The following CCDC144A variants were observed in gnomAD, a reference collection of about 807,000 sequenced individuals.
CCDC144A encodes coiled-coil domain-containing protein 144A.
CCDC144A carries 41 observed loss-of-function variants against 143.8 expected under a neutral mutation model. The ratio of observed to expected loss-of-function variants is 0.29; its 90% confidence interval spans 0.22 to 0.37. CCDC144A has a LOEUF of 0.37. Ranked by LOEUF, CCDC144A falls within the 10% of genes least tolerant of loss-of-function variation. The pLI, the probability that CCDC144A is intolerant of heterozygous loss-of-function variation, is 1.00. For synonymous variants in CCDC144A, 242 were observed against 517.9 expected (o/e 0.47, Z 7.23); for missense variants, 637 against 1,488.8 (o/e 0.43, Z 9.41).
intron 9 of CCDC144A, among the ~76,000 whole-genome samples, chr17:16,728,173 C>G (rs1320451280): frequency 6.6e-6 from 1 of 152,138 alleles, no homozygotes. Flanking sequence ...GTAGTTGGGA[C>G]TCCAGGTGCA....
rs970976270 is a variant in CCDC144A at position 16,704,340 on chromosome 17, A to G, written c.416-811A>G. Among the ~76,000 whole-genome samples, 581 of 152,148 alleles carry G rather than the reference A, an allele frequency of 3.8e-3. 6 individuals are homozygous for G. The highest frequency in any genetic ancestry group is 0.013 in the African/African-American group (553 of 41,528). ...CGTAGTGGCAGGCGGCTGTAGCCCC[A>G]GCTACTCAGGAGGCTGAGGCAGGAG... On this transcript the variant is annotated intron_variant, in intron 2 of 16. Transcript: ENST00000399273.
chr17:16,754,092 A>G (rs1236459415), intron 12 of CCDC144A, among the ~76,000 whole-genome samples: 1 of 152,118 alleles, frequency 6.6e-6, no homozygotes, highest in African/African-American at 2.4e-5. Context: ...TCCATTTTCC[A>G]TACGTTTCCA....
chr17:16,711,146 A>AAAAAAAAAAAAAAAAAC (rs1912400944), intron 5 of CCDC144A, among the ~76,000 whole-genome samples: 1 of 124,524 alleles, frequency 8.0e-6, no homozygotes, highest in African/African-American at 2.8e-5. Context: ...GAAAAAAAAA[A>AAAAAAAAAAAAAAAAAC]AAAAAAAAAA....
Position 16,743,406 on chromosome 17 carries a change from G to A in CCDC144A, c.3372+7763G>A, listed in dbSNP as rs556609342. ...GAAAATCAGGTGTCTGTAAATATGTGGATTTATTTCTGTGTTCTCTATTCT... is the reference window on the plus strand; with the variant it reads ...GAAAATCAGGTGTCTGTAAATATGTAGATTTATTTCTGTGTTCTCTATTCT... On this transcript the variant is annotated intron_variant, in intron 12 of 16. Coordinates refer to ENST00000399273, the MANE Select transcript of CCDC144A (RefSeq NM_001382000.1). Among the ~76,000 whole-genome samples, 582 of 152,118 alleles carry A rather than the reference G, an allele frequency of 3.8e-3. 6 individuals carry two copies. Among genetic ancestry groups the A allele is most frequent in the African/African-American group, 0.013 (554 of 41,484 alleles).
the CCDC144A span, among the ~76,000 whole-genome samples, chr17:16,678,433 C>T: frequency 1.3e-5 from 2 of 152,146 alleles, no homozygotes; most frequent in Admixed American, 1.3e-4. Flanking sequence ...CCTATAGAAA[C>T]TAATAGTAAC....
rs569066043 is a variant in CCDC144A, at chr17:16,764,325, T to C, written c.4098+150T>C. The C allele has an allele frequency of 4.8e-6, 7 of 1,462,704 alleles. No homozygotes were observed. The Admixed American group carries it at 1.9e-4, about 39-fold the overall frequency. 90.6% of individuals were successfully genotyped at this position (1,462,704 alleles called of 1,614,324 possible). On this transcript the variant is annotated intron_variant, in intron 15 of 16. Coordinates refer to ENST00000399273, the MANE Select transcript of CCDC144A (RefSeq NM_001382000.1). ...AGAGAGGAGACAGAAATTTTACCGT[T>C]ATTTTTAAGTCTCTGGAGCTCTCAT... is the stretch of plus-strand genomic sequence containing the variant.
chr17:16,688,484 G>GTTTTTTTTTT (rs66493875), upstream of CCDC144A, among the ~76,000 whole-genome samples: 13 of 71,620 alleles, frequency 1.8e-4, 1 homozygote, highest in African/African-American at 5.9e-4. Flanking sequence ...TTCTTTTTCT[G>GTTTTTTTTTT]TTTTTTTTTT....
chr17:16,733,622 A>G, intron 11 of CCDC144A, among the ~76,000 whole-genome samples: 1 of 150,934 alleles, frequency 6.6e-6, no homozygotes, highest in Non-Finnish European at 1.5e-5. Context: ...AGATAATCTC[A>G]TGATTTTCTA....
At chr17:16,729,059 A>G (rs1308965318) in intron 9 of CCDC144A, among the ~76,000 whole-genome samples, 2 of 152,172 alleles carry the variant, frequency 1.3e-5, no homozygotes, top group East Asian at 3.8e-4. Context: ...ATACGTTTGC[A>G]GGTGTTTTTT....
intron 12 of CCDC144A, among the ~76,000 whole-genome samples, chr17:16,757,898 G>A (rs537823888): frequency 3.3e-5 from 5 of 152,106 alleles, no homozygotes; most frequent in South Asian, 4.1e-4. Flanking sequence ...TGGGGGAATC[G>A]GTCCTGGTTT....
intron 2 of CCDC144A, among the ~76,000 whole-genome samples, chr17:16,700,657 A>G (rs1441866239): frequency 2.0e-5 from 3 of 152,230 alleles, no homozygotes; most frequent in Admixed American, 1.3e-4. Flanking sequence ...ATTTTATATA[A>G]TATAATAGCA....
intron 12 of CCDC144A, among the ~76,000 whole-genome samples, chr17:16,757,759 T>G (rs908067256): frequency 6.6e-6 from 1 of 152,218 alleles, no homozygotes; most frequent in Non-Finnish European, 1.5e-5. Flanking sequence ...GGCAGTGGTG[T>G]CAGTCAGGTG....
intron 6 of CCDC144A, among the ~76,000 whole-genome samples, chr17:16,717,396 C>T (rs903060845): frequency 7.2e-5 from 11 of 152,190 alleles, no homozygotes; most frequent in Admixed American, 2.6e-4. Flanking sequence ...AGGTGTGAGC[C>T]ACCACACCCA....
chr17:16,774,319 T>A lies in CCDC144A; in HGVS notation c.*686T>A, dbSNP rs1164960327. The A allele has an allele frequency of 6.8e-6, 1 of 147,290 alleles. No individual in the cohort carries two copies. Among genetic ancestry groups the A allele is most frequent in the African/African-American group, 2.6e-5 (1 of 37,956 alleles). 9.1% of individuals were successfully genotyped at this position (147,290 alleles called of 1,614,324 possible). A position where few individuals can be genotyped will look rare whatever the true frequency, so the allele number is the denominator to read the frequency against. ...TTCCCACAAGTCAGGACATTTTATA[T>A]AACTACTTCATAATCGGAAAGTTAA... On this transcript the variant is annotated 3_prime_UTR_variant, in exon 17 of 17. Coordinates refer to ENST00000399273, the MANE Select transcript of CCDC144A (RefSeq NM_001382000.1).
At chr17:16,692,505 T>C (rs1597525735) in intron 1 of CCDC144A, among the ~76,000 whole-genome samples, 1 of 67,548 alleles carries the variant, frequency 1.5e-5, no homozygotes, top group African/African-American at 6.3e-5. Flanking sequence ...ACACATTGGG[T>C]TTTATTTGTG....
At chr17:16,681,323 A>C in the CCDC144A span, among the ~76,000 whole-genome samples, 1 of 152,102 alleles carries the variant, frequency 6.6e-6, no homozygotes, top group East Asian at 1.9e-4. Flanking sequence ...AAATCAAAAC[A>C]AATGGAAATC....
At chr17:16,746,755 G>A in intron 12 of CCDC144A, 1 of 1,608,290 alleles carries the variant, frequency 6.2e-7, no homozygotes, top group East Asian at 2.2e-5. Context: ...GGCGGCAGAT[G>A]ACCACCTGCG....
At position 16,743,133 on chromosome 17, in the gene CCDC144A, G is replaced by A. The variant is rs1203557978; in HGVS notation, c.3372+7490G>A. Among the ~76,000 whole-genome samples the A allele has an allele frequency of 8.5e-5, 13 of 152,162 alleles. No individual in the cohort carries two copies. The East Asian group carries it at 1.3e-3, about 16-fold the overall frequency. ...CCTGTGCTTTTTTTTGCATATGCCCGTGATAACTTAGCTATAAAATCTTTG... is the reference window on the plus strand; with the variant it reads ...CCTGTGCTTTTTTTTGCATATGCCCATGATAACTTAGCTATAAAATCTTTG... On this transcript the variant is annotated intron_variant, in intron 12 of 16. Coordinates refer to ENST00000399273, the MANE Select transcript of CCDC144A (RefSeq NM_001382000.1).
chr17:16,743,263 T>C (rs1914340675), intron 12 of CCDC144A, among the ~76,000 whole-genome samples: 1 of 151,816 alleles, frequency 6.6e-6, no homozygotes, highest in Admixed American at 6.6e-5. Flanking sequence ...TTGATTTTTG[T>C]ATATGGTGAA....
Sources: allele counts gnomAD v4.1 joint callset (sites outside exome capture counted in the v4.1 genomes callset), GRCh38; gene constraint gnomAD v4.1.1; transcripts MANE v1.5; gene names NCBI Gene and HGNC (gene_info 2026-07-23, HGNC 2026-07-21).